CUX2: variants seen among roughly 807,000 people sequenced by gnomAD.
The protein encoded by CUX2 is cut like homeobox 2.
CUX2 carries 40 observed loss-of-function variants against 144.8 expected under a neutral mutation model. That is an observed-to-expected ratio of 0.28 (90% CI 0.21 to 0.36). The LOEUF is 0.36. Among genes scored for constraint, CUX2 ranks in the 10% least tolerant of loss-of-function variants. CUX2 has a pLI of 1.00. For synonymous variants in CUX2, 827 were observed against 875.6 expected (o/e 0.94, Z 0.98); for missense variants, 1,615 against 1,994.0 (o/e 0.81, Z 3.62).
At chr12:111,191,059 G>A (rs1454307253) in intron 1 of CUX2, among the ~76,000 whole-genome samples, 1 of 152,144 alleles carries the variant, frequency 6.6e-6, no homozygotes, top group Non-Finnish European at 1.5e-5. Context: ...AAAACTTGGA[G>A]CCTCCAAAGC....
chr12:111,320,566 A>G lies in CUX2; in HGVS notation c.2557A>G (p.Lys853Glu). 1 of 1,532,454 alleles carries G rather than the reference A, an allele frequency of 6.5e-7. No individual in the cohort carries two copies. The highest frequency in any genetic ancestry group is 2.5e-5 in the East Asian group (1 of 40,504). The allele number at this position is 1,532,454 out of a possible 1,614,324, so 94.9% of individuals were successfully genotyped here. ...CGAACCCCCCAGGACGGGCGAGCTC[A>G]AGGCTGAGGGCGCGACGGCCGAGGC... The part of the protein sequence containing the change: ...EDEPPRTGEL[K>E]AEGATAEAGA... The change falls in exon 17 of 22, where the codon AAG becomes GAG. Residue 853 changes from lysine to glutamate, a missense_variant. By Grantham distance (56) the Lys-to-Glu change is moderately conservative. Around this residue, in one of 12 missense-constraint regions of CUX2, gnomAD observed 390 missense variants for 387.1 expected, o/e 1.01. Coordinates refer to ENST00000261726, the MANE Select transcript of CUX2 (RefSeq NM_015267.4). This position sits in a 1 kb window ranked among gnomAD's most constrained non-coding sequence, Gnocchi z 8.1.
At chr12:111,334,740 G>A in intron 19 of CUX2, 30 bp downstream of exon 19, 5 of 1,560,586 alleles carry the variant, frequency 3.2e-6, no homozygotes, top group Non-Finnish European at 4.3e-6. Flanking sequence ...CGGAGAGGCT[G>A]CCTCCCACCT....
intron 1 of CUX2, among the ~76,000 whole-genome samples, chr12:111,089,002 C>T (rs1475988348): frequency 6.6e-6 from 1 of 152,194 alleles, no homozygotes; most frequent in African/African-American, 2.4e-5. Context: ...CTAGGTTTGC[C>T]TTATCCAGGG....
rs1390528906 is a variant in CUX2 at position 111,296,683 on chromosome 12, C to G, written c.704+144C>G. The G allele has an allele frequency of 1.0e-5, 6 of 584,802 alleles. No individual in the cohort carries two copies. The African/African-American group carries it at 1.1e-4, about 11-fold the overall frequency. 36.2% of individuals were successfully genotyped at this position (584,802 alleles called of 1,614,324 possible). On this transcript the variant is annotated intron_variant, in intron 8 of 21. Transcript: ENST00000261726. Reference sequence around the variant, plus strand: ...TCTGACCCTCCAGTACTTGCCTCCACCCTCTGGCCATCCCAGACACGCCTC... The same window carrying G: ...TCTGACCCTCCAGTACTTGCCTCCAGCCTCTGGCCATCCCAGACACGCCTC...
intron 1 of CUX2, among the ~76,000 whole-genome samples, chr12:111,119,075 C>T (rs1348751777): frequency 2.0e-5 from 3 of 152,174 alleles, no homozygotes; most frequent in African/African-American, 4.8e-5. Context: ...GTTTTCCCAA[C>T]AATAATCTGG....
At chr12:111,330,716 T>TACAC (rs1467075463) in intron 18 of CUX2, among the ~76,000 whole-genome samples, 3 of 36,948 alleles carry the variant, frequency 8.1e-5, no homozygotes, top group African/African-American at 4.3e-4. Flanking sequence ...TATATATATA[T>TACAC]ATATATATAT....
chr12:111,090,960 T>G (rs1215201996), intron 1 of CUX2, among the ~76,000 whole-genome samples: 1 of 152,170 alleles, frequency 6.6e-6, no homozygotes, highest in Non-Finnish European at 1.5e-5. Context: ...ACCTACTGTG[T>G]GCCGAGGCTC....
Position 111,338,275 on chromosome 12 carries a change from C to T in CUX2, c.3197-11C>T. 1 of 1,597,314 alleles carries T rather than the reference C, an allele frequency of 6.3e-7. No homozygotes were observed. Among genetic ancestry groups the T allele is most frequent in the East Asian group, 2.2e-5 (1 of 44,582 alleles). On this transcript the variant is annotated splice_polypyrimidine_tract_variant and intron_variant, in intron 19 of 21. Coordinates refer to ENST00000261726, the MANE Select transcript of CUX2 (RefSeq NM_015267.4). ...CTCGGGTAACAGATTGCTCCCCTCC[C>T]CTATCCCCAGGGCAGCGGCTGTTTG...
At position 111,097,031 on chromosome 12, in the gene CUX2, A is replaced by G. The variant is rs2136062462; in HGVS notation, c.63+62791A>G. 2.0e-5 allele frequency among the ~76,000 whole-genome samples: 3 copies of G among 152,270 alleles called. No individual in the cohort carries two copies. The Middle Eastern group carries it at 0.01, about 518-fold the overall frequency. On this transcript the variant is annotated intron_variant, in intron 1 of 21. Coordinates refer to ENST00000261726, the MANE Select transcript of CUX2 (RefSeq NM_015267.4). The stretch of plus-strand genomic sequence containing the variant: ...AGGCAGCTAAGATCTTGGCTTCAGA[A>G]GGTGAGTCCCTGTTGTCAAGATAAA...
At chr12:111,318,601 A>ATTT (rs1565915680) in intron 16 of CUX2, among the ~76,000 whole-genome samples, 4 of 147,144 alleles carry the variant, frequency 2.7e-5, no homozygotes, top group Admixed American at 2.2e-4. Flanking sequence ...TCTTTTTTTA[A>ATTT]AAAAAAAAAA....
chr12:111,134,610 C>CTGTGTGTGTG (rs1483403424), intron 1 of CUX2, among the ~76,000 whole-genome samples: 136 of 138,356 alleles, frequency 9.8e-4, no homozygotes, highest in African/African-American at 4.6e-3. Context: ...CTCTCTCTCT[C>CTGTGTGTGTG]TCTCTCTCTC....
chr12:111,083,393 A>G (rs1180232343), intron 1 of CUX2, among the ~76,000 whole-genome samples: 1 of 152,168 alleles, frequency 6.6e-6, no homozygotes, highest in East Asian at 1.9e-4. Flanking sequence ...GCCGGGGTCC[A>G]AGGTCTAGGG....
Position 111,293,633 on chromosome 12 carries a change from G to A in CUX2, c.560+64G>A. On this transcript the variant is annotated intron_variant, in intron 6 of 21. Transcript: ENST00000261726. The surrounding 1 kb of genome is among the most constrained non-coding windows in gnomAD (Gnocchi z 4.5). ...GGCAGGGCTCCTGCTGCCCCACCTG[G>A]CTGGGTCGTGGACGGGGAAAGTCTC... The A allele has an allele frequency of 6.5e-7, 1 of 1,528,996 alleles. No homozygotes were observed. Among genetic ancestry groups the A allele is most frequent in the Non-Finnish European group, 8.8e-7 (1 of 1,135,112 alleles). 94.7% of individuals were successfully genotyped at this position (1,528,996 alleles called of 1,614,324 possible). A position where few individuals can be genotyped will look rare whatever the true frequency, so the allele number is the denominator to read the frequency against.
At chr12:111,265,128 C>G (rs1884315084) in intron 4 of CUX2, among the ~76,000 whole-genome samples, 1 of 151,808 alleles carries the variant, frequency 6.6e-6, no homozygotes. Context: ...TATTGGAAAT[C>G]AAGATAGTGG....
At chr12:111,051,219 T>A (rs1018969710) in intron 1 of CUX2, among the ~76,000 whole-genome samples, 9 of 152,240 alleles carry the variant, frequency 5.9e-5, no homozygotes, top group Non-Finnish European at 1.2e-4. Context: ...CCTTCCATGC[T>A]CAGCATGGAC....
At chr12:111,194,560 G>C (rs544456860) in intron 1 of CUX2, among the ~76,000 whole-genome samples, 4 of 152,164 alleles carry the variant, frequency 2.6e-5, no homozygotes, top group Admixed American at 6.5e-5. Flanking sequence ...ATGCAGCACC[G>C]ATCGGCCAGA....
intron 1 of CUX2, among the ~76,000 whole-genome samples, chr12:111,111,238 G>T (rs1173746508): frequency 2.6e-5 from 4 of 152,066 alleles, no homozygotes; most frequent in Admixed American, 6.5e-5. Flanking sequence ...GGAGGCGGAG[G>T]TTGCAGTGAG....
intron 21 of CUX2, among the ~76,000 whole-genome samples, chr12:111,346,610 A>G (rs914409009): frequency 2.0e-5 from 3 of 152,242 alleles, no homozygotes; most frequent in Non-Finnish European, 4.4e-5. Context: ...TATTGTTAAC[A>G]TAAATGGCCA....
At chr12:111,240,538 C>G (rs1882971251) in intron 3 of CUX2, among the ~76,000 whole-genome samples, 1 of 152,208 alleles carries the variant, frequency 6.6e-6, no homozygotes, top group African/African-American at 2.4e-5. Context: ...CAGTGTCAGC[C>G]CCTGGTCCAA....
Sources: allele counts gnomAD v4.1 joint callset (sites outside exome capture counted in the v4.1 genomes callset), GRCh38; gene constraint gnomAD v4.1.1; regional missense constraint gnomAD v4.1.1; non-coding constraint Gnocchi (gnomAD v3.1); transcripts MANE v1.5; gene names NCBI Gene and HGNC (gene_info 2026-07-23, HGNC 2026-07-21).